The following CALN1 variants were observed in gnomAD, a reference collection of about 807,000 sequenced individuals.
The protein encoded by CALN1 is calcium-binding protein 8.
Under a neutral mutation model 30.6 loss-of-function variants are expected in CALN1, and 17 were observed. The ratio of observed to expected loss-of-function variants is 0.56; its 90% CI spans 0.38 to 0.83. The LOEUF (loss-of-function observed/expected upper bound fraction) is 0.83, where lower values mean the gene tolerates loss of function less well. CALN1 is among the 40% of genes least tolerant of loss of function. CALN1 has a pLI of 0.00. For synonymous variants in CALN1, 156 were observed against 131.4 expected, an observed-to-expected ratio of 1.19 and a Z score of -1.28; for missense variants, 291 against 354.9, an observed-to-expected ratio of 0.82 and a Z score of 1.45.
At chr7:72,015,421 ATTTC>A (rs1339520786) in intron 5 of CALN1, among the ~76,000 whole-genome samples, 5 of 145,932 alleles carry the variant, frequency 3.4e-5, no homozygotes, top group Admixed American at 6.7e-5. Flanking sequence ...AGGAGTTTGC[ATTTC>A]TTTCTTTCTT....
chr7:72,136,311 T>C (rs1020970627), intron 3 of CALN1, among the ~76,000 whole-genome samples: 1 of 152,216 alleles, frequency 6.6e-6, no homozygotes, highest in African/African-American at 2.4e-5. Flanking sequence ...TTTTATATTA[T>C]GGAGATGACT....
intron 5 of CALN1, among the ~76,000 whole-genome samples, chr7:71,864,764 G>A (rs559239303): frequency 5.9e-5 from 9 of 152,308 alleles, no homozygotes; most frequent in African/African-American, 2.2e-4. Flanking sequence ...AAATTTGGGA[G>A]GCCAAGGCAG....
the CALN1 span, among the ~76,000 whole-genome samples, chr7:72,478,807 A>G: frequency 6.6e-6 from 1 of 151,970 alleles, no homozygotes; most frequent in East Asian, 1.9e-4. Context: ...CGTATACTGT[A>G]GTTTTAATTT....
At chr7:71,810,834 T>C (rs1260647055) in intron 5 of CALN1, among the ~76,000 whole-genome samples, 12 of 151,934 alleles carry the variant, frequency 7.9e-5, no homozygotes, top group Admixed American at 1.3e-4. Context: ...AATGCATACG[T>C]CTCTAAAATT....
intron 5 of CALN1, among the ~76,000 whole-genome samples, chr7:71,999,000 ATTAAC>A (rs1799394369): frequency 1.3e-5 from 2 of 152,238 alleles, no homozygotes; most frequent in Admixed American, 1.3e-4. Flanking sequence ...TACATAGATA[ATTAAC>A]TTAAATGTAA....
chr7:72,308,648 G>C (rs531956968), intron 2 of CALN1, among the ~76,000 whole-genome samples: 2 of 152,248 alleles, frequency 1.3e-5, no homozygotes, highest in South Asian at 4.1e-4. Context: ...ATCCTCCCAT[G>C]TCCTTCTGAT....
chr7:72,365,340 G>A (rs543314140), intron 2 of CALN1, among the ~76,000 whole-genome samples: 2 of 151,720 alleles, frequency 1.3e-5, no homozygotes, highest in East Asian at 3.9e-4. Context: ...CTCAAAAGAA[G>A]AAAAAAATAA....
intron 4 of CALN1, among the ~76,000 whole-genome samples, chr7:72,094,060 A>G (rs1192994653): frequency 6.6e-6 from 1 of 152,172 alleles, no homozygotes. Flanking sequence ...TTCAAGGTCT[A>G]CCCCTACCAG....
At chr7:72,144,428 C>T (rs1448504892) in intron 3 of CALN1, among the ~76,000 whole-genome samples, 2 of 152,162 alleles carry the variant, frequency 1.3e-5, no homozygotes, top group African/African-American at 4.8e-5. Context: ...AGCTAACTAT[C>T]TTAAATATAT....
At chr7:71,859,858 G>A (rs897760810) in intron 5 of CALN1, among the ~76,000 whole-genome samples, 2 of 152,104 alleles carry the variant, frequency 1.3e-5, no homozygotes, top group African/African-American at 4.8e-5. Flanking sequence ...CCACTTGGCT[G>A]CATTCCCAGG....
chr7:72,397,668 A>C (rs1384207963), intron 2 of CALN1, among the ~76,000 whole-genome samples: 4 of 150,182 alleles, frequency 2.7e-5, no homozygotes, highest in Admixed American at 6.7e-5. Context: ...CAAGTGAAGG[A>C]TCTCACTGCT....
chr7:72,492,796 G>C, the CALN1 span, among the ~76,000 whole-genome samples: 18 of 152,308 alleles, frequency 1.2e-4, no homozygotes, highest in African/African-American at 4.1e-4. Flanking sequence ...CCGAGCACCG[G>C]AACAGTCGTG....
rs764276435 is a variant in CALN1 at position 72,247,227 on chromosome 7, C to CTTTTTTTTT, written c.244+31450_244+31458dup. On this transcript the variant is annotated intron_variant, in intron 3 of 6. Transcript: ENST00000395275. ...GGGTTTTCAACAGACCATTTTCTTT[C>CTTTTTTTTT]TTTTTTTTTTTTTTTTTTTTTTTTT... 3.1e-3 allele frequency among the ~76,000 whole-genome samples: 238 copies of CTTTTTTTTT among 77,678 alleles called. 20 individuals carry two copies. The highest frequency in any genetic ancestry group is 4.5e-3 in the Non-Finnish European group (194 of 42,936). The allele number at this position is 77,678 out of a possible 152,430, so 51.0% of individuals were successfully genotyped here.
chr7:71,936,661 C>G (rs1455505811), intron 5 of CALN1, among the ~76,000 whole-genome samples: 2 of 152,224 alleles, frequency 1.3e-5, no homozygotes, highest in Non-Finnish European at 2.9e-5. Flanking sequence ...CTTCCCCAAC[C>G]CCTGTTATCT....
At chr7:72,413,584 A>G (rs567018857), upstream of CALN1, among the ~76,000 whole-genome samples, 1 of 151,480 alleles carries the variant, frequency 6.6e-6, no homozygotes, top group South Asian at 2.1e-4. Flanking sequence ...ACACACACTC[A>G]TACATATACA....
chr7:71,842,531 T>C (rs1306856227), intron 5 of CALN1, among the ~76,000 whole-genome samples: 1 of 152,156 alleles, frequency 6.6e-6, no homozygotes, highest in Non-Finnish European at 1.5e-5. Flanking sequence ...GAGCAAGACA[T>C]CCACGTTTAC....
intron 2 of CALN1, chr7:72,336,618 G>A (rs577047639): frequency 6.9e-5 from 62 of 904,642 alleles, no homozygotes; most frequent in South Asian, 5.1e-4. Flanking sequence ...CGGGGGTTTG[G>A]ACACCCTAGA....
intron 6 of CALN1, among the ~76,000 whole-genome samples, chr7:71,806,452 A>G (rs1787629293): frequency 6.6e-6 from 1 of 151,992 alleles, no homozygotes; most frequent in African/African-American, 2.4e-5. Flanking sequence ...GATTCCACGC[A>G]CATGCCACCA....
chr7:72,097,672 G>C (rs990259521), intron 4 of CALN1, among the ~76,000 whole-genome samples: 1 of 149,454 alleles, frequency 6.7e-6, no homozygotes, highest in Non-Finnish European at 1.5e-5. Flanking sequence ...AAATTAAACA[G>C]AATACAGCTT....
Sources: allele counts gnomAD v4.1 joint callset (sites outside exome capture counted in the v4.1 genomes callset), GRCh38; gene constraint gnomAD v4.1.1; transcripts MANE v1.5; gene names NCBI Gene and HGNC (gene_info 2026-07-23, HGNC 2026-07-21).